PSD: variants seen among roughly 807,000 people sequenced by gnomAD.
The protein encoded by PSD is PH and SEC7 domain-containing protein 1.
Under a neutral mutation model 91.6 loss-of-function variants are expected in PSD, and 32 were observed. The observed-to-expected ratio is 0.35, with a 90% CI of 0.26 to 0.47. PSD has a LOEUF of 0.47. PSD is among the 20% of genes least tolerant of loss of function. PSD has a pLI of 1.00. For synonymous variants in PSD, 532 were observed against 569.3 expected, an observed-to-expected ratio of 0.93 and a Z score of 0.93; for missense variants, 1,099 against 1,373.9, an observed-to-expected ratio of 0.80 and a Z score of 3.16.
intron 1 of PSD, among the ~76,000 whole-genome samples, chr10:102,417,593 T>A (rs1307569498): frequency 6.6e-6 from 1 of 151,288 alleles, no homozygotes; most frequent in South Asian, 2.1e-4. Flanking sequence ...GAGGAACAGG[T>A]GTTATATAGG....
intron 3 of PSD, 62 bp downstream of exon 3, chr10:102,415,955 G>A: frequency 2.3e-6 from 3 of 1,325,262 alleles, no homozygotes; most frequent in Non-Finnish European, 3.2e-6. Flanking sequence ...GCTCCCTACT[G>A]AGCCTCAGCT....
In PSD at chr10:102,414,752, C is replaced by T. The variant is rs968952297; in HGVS notation, c.1124+111G>A. 5 of 1,388,190 alleles carry T rather than the reference C, an allele frequency of 3.6e-6. No homozygotes were observed. The African/African-American group carries it at 4.3e-5, about 12-fold the overall frequency. The allele number at this position is 1,388,190 out of a possible 1,614,324, so 86.0% of individuals were successfully genotyped here. ...CCTGCTATACACACTGCCCCGCCAG[C>T]CCCACACCCATCTCTATCCCAGGCC... On this transcript the variant is annotated intron_variant, in intron 4 of 16. Coordinates refer to ENST00000020673, the MANE Select transcript of PSD (RefSeq NM_002779.5). This position sits in a 1 kb window ranked among gnomAD's most constrained non-coding sequence, Gnocchi z 5.6.
At chr10:102,411,512 C>G (rs1330799856) in intron 8 of PSD, among the ~76,000 whole-genome samples, 195 bp downstream of exon 8, 1 of 152,254 alleles carries the variant, frequency 6.6e-6, no homozygotes, top group Non-Finnish European at 1.5e-5. Context: ...TAGCAATATG[C>G]CTGCCCACAT....
intron 10 of PSD, among the ~76,000 whole-genome samples, chr10:102,407,771 C>T (rs1048111645): frequency 3.9e-5 from 6 of 152,148 alleles, no homozygotes; most frequent in African/African-American, 1.4e-4. Flanking sequence ...CTTTCCTTCC[C>T]TAATAGAGAA....
At position 102,416,189 on chromosome 10, in the gene PSD, C is replaced by A; in HGVS notation, c.655-70G>T. The A allele has an allele frequency of 7.7e-7, 1 of 1,306,396 alleles. No individual in the cohort carries two copies. The highest frequency in any genetic ancestry group is 1.1e-6 in the Non-Finnish European group (1 of 929,768). 80.9% of individuals were successfully genotyped at this position (1,306,396 alleles called of 1,614,324 possible). A position where few individuals can be genotyped will look rare whatever the true frequency, so the allele number is the denominator to read the frequency against. ...CATACAAGGACACAAGAATATGGGA[C>A]AGAAACAGAAATTAAAACATGCATC... On this transcript the variant is annotated intron_variant, in intron 2 of 16. Transcript: ENST00000020673. This position sits in a 1 kb window ranked among gnomAD's most constrained non-coding sequence, Gnocchi z 6.0.
intron 10 of PSD, chr10:102,408,982 G>A: frequency 1.0e-6 from 1 of 987,506 alleles, no homozygotes; most frequent in Non-Finnish European, 1.2e-6. Flanking sequence ...GCTGCGGCCA[G>A]CCGTAGCACA....
At position 102,410,739 on chromosome 10, in the gene PSD, T is replaced by C. The variant is rs2061416761; in HGVS notation, c.2091+119A>G. 4.9e-6 allele frequency: 4 copies of C among 812,014 alleles called. No individual in the cohort carries two copies. In the Admixed American group the frequency reaches 7.7e-5, roughly 16 times the overall value. The allele number at this position is 812,014 out of a possible 1,614,324, so 50.3% of individuals were successfully genotyped here. A position where few individuals can be genotyped will look rare whatever the true frequency, so the allele number is the denominator to read the frequency against. On this transcript the variant is annotated intron_variant, in intron 10 of 16. Coordinates refer to ENST00000020673, the MANE Select transcript of PSD (RefSeq NM_002779.5). The surrounding 1 kb of genome is among the most constrained non-coding windows in gnomAD (Gnocchi z 6.0). ...TGAGTCACGAGAGCCCGGGCTTCCG[T>C]GGCAGGAGCCGGGGGTCGGCAAGCC... is the stretch of plus-strand genomic sequence containing the variant.
rs1396258957 is a variant in PSD, at chr10:102,416,844, T to C, written c.195A>G (p.Ala65=). ...PRGRELGRVT[A]PCTPLRGPPS... ...GGGGGCCACGCAGAGGTGTACAGGG[T>C]GCTGTCACACGTCCCAGTTCCCGGC... Residue 65 remains alanine (A), a synonymous_variant, in exon 2 of 17, where the codon GCA becomes GCG. Coordinates refer to ENST00000020673, the MANE Select transcript of PSD (RefSeq NM_002779.5). This position sits in a 1 kb window ranked among gnomAD's most constrained non-coding sequence, Gnocchi z 6.0. The C allele has an allele frequency of 1.2e-6, 2 of 1,600,110 alleles. No homozygotes were observed. The highest frequency in any genetic ancestry group is 1.7e-6 in the Non-Finnish European group (2 of 1,173,624).
rs527987698 is a variant in PSD at position 102,404,086 on chromosome 10, C to T, written c.2701-101G>A. On this transcript the variant is annotated intron_variant, in intron 15 of 16. Transcript: ENST00000020673. This position sits in a 1 kb window ranked among gnomAD's most constrained non-coding sequence, Gnocchi z 5.7. ...CCTTCCAGCCGGGCGCGGTGGCTCACGCCTGTAATCCCAGCACTTTGGGAG... is the reference window on the plus strand; with the variant it reads ...CCTTCCAGCCGGGCGCGGTGGCTCATGCCTGTAATCCCAGCACTTTGGGAG... 1.2e-4 allele frequency: 164 copies of T among 1,374,178 alleles called. 2 individuals carry two copies. Among genetic ancestry groups the T allele is most frequent in the African/African-American group, 1.2e-3 (80 of 68,988 alleles). The allele number at this position is 1,374,178 out of a possible 1,614,324, so 85.1% of individuals were successfully genotyped here. A position where few individuals can be genotyped will look rare whatever the true frequency, so the allele number is the denominator to read the frequency against.
At position 102,404,069 on chromosome 10, in the gene PSD, C is replaced by CCGGG. The variant is rs371195965; in HGVS notation, c.2701-88_2701-85dup. 68 of 1,302,164 alleles carry CCGGG rather than the reference C, an allele frequency of 5.2e-5. No individual in the cohort carries two copies. The highest frequency in any genetic ancestry group is 1.6e-4 in the Admixed American group (6 of 36,582). The allele number at this position is 1,302,164 out of a possible 1,614,324, so 80.7% of individuals were successfully genotyped here. Reference sequence around the variant, plus strand: ...ATTTTTAAAAAGATACCCCTTCCAGCCGGGCGCGGTGGCTCACGCCTGTAA... The same window carrying CCGGG: ...ATTTTTAAAAAGATACCCCTTCCAGCCGGGCGGGCGCGGTGGCTCACGCCTGTAA... On this transcript the variant is annotated intron_variant, in intron 15 of 16. Coordinates refer to ENST00000020673, the MANE Select transcript of PSD (RefSeq NM_002779.5). The surrounding 1 kb of genome is among the most constrained non-coding windows in gnomAD (Gnocchi z 5.7).
rs1158770400 is a variant in PSD at position 102,410,516 on chromosome 10, ACCCCCGCAACTC to A, written c.2091+330_2091+341del. Among the ~76,000 whole-genome samples the A allele has an allele frequency of 1.3e-5, 2 of 151,298 alleles. No individual in the cohort carries two copies. Among genetic ancestry groups the A allele is most frequent in the African/African-American group, 4.9e-5 (2 of 41,104 alleles). Reference sequence around the variant, plus strand: ...CATCCAATCCCTGTCCCGTGCAGGGACCCCCGCAACTCCCGCCTTCCACCCCAGCGCACACTG... The same window carrying A: ...CATCCAATCCCTGTCCCGTGCAGGGACCGCCTTCCACCCCAGCGCACACTG... On this transcript the variant is annotated intron_variant, in intron 10 of 16. Transcript: ENST00000020673. The surrounding 1 kb of genome is among the most constrained non-coding windows in gnomAD (Gnocchi z 6.0).
Position 102,404,627 on chromosome 10 carries a change from A to G in PSD, c.2656T>C (p.Phe886Leu), listed in dbSNP as rs1009054758. Residue 886 changes from phenylalanine (F) to leucine (L), a missense_variant, in exon 15 of 17, where the codon TTC (phenylalanine) becomes CTC (leucine). Phe to Leu is a conservative substitution (Grantham distance 22, BLOSUM62 0). Coordinates refer to ENST00000020673, the MANE Select transcript of PSD (RefSeq NM_002779.5). The surrounding 1 kb of genome is among the most constrained non-coding windows in gnomAD (Gnocchi z 5.7). ...GCGCTGGGCAGGAGAGGGCGGCTGA[A>G]CTTCTTTTGGGAGCTAACAGCAGCT... Reference protein sequence around the residue: ...FPAAVSSQKKFSRPLLPSAAT... With the variant: ...FPAAVSSQKKLSRPLLPSAAT... 1.9e-6 allele frequency: 3 copies of G among 1,611,912 alleles called. No individual in the cohort carries two copies. The highest frequency in any genetic ancestry group is 1.3e-5 in the African/African-American group (1 of 74,796).
Position 102,416,250 on chromosome 10 carries a change from A to C in PSD, c.655-131T>G. ...GAGGTTCAGAGACACAGAGACAAAC[A>C]CAGAGGGCAAGAGAGAGGCAGATTT... On this transcript the variant is annotated intron_variant, in intron 2 of 16. Coordinates refer to ENST00000020673, the MANE Select transcript of PSD (RefSeq NM_002779.5). The surrounding 1 kb of genome is among the most constrained non-coding windows in gnomAD (Gnocchi z 6.0). 1 of 1,251,848 alleles carries C rather than the reference A, an allele frequency of 8.0e-7. No homozygotes were observed. The highest frequency in any genetic ancestry group is 1.1e-6 in the Non-Finnish European group (1 of 892,306). The allele number at this position is 1,251,848 out of a possible 1,614,324, so 77.5% of individuals were successfully genotyped here.
rs904403830 is a variant in PSD at position 102,416,933 on chromosome 10, G to T, written c.106C>A (p.Pro36Thr). 13 of 1,604,488 alleles carry T rather than the reference G, an allele frequency of 8.1e-6. No homozygotes were observed. Among genetic ancestry groups the T allele is most frequent in the Non-Finnish European group, 1.0e-5 (12 of 1,179,468 alleles). The change falls in exon 2 of 17, where the codon CCA becomes ACA. Residue 36 changes from proline to threonine, a missense_variant. Physicochemically the swap from Pro to Thr is conservative, Grantham distance 38. Around this residue, in one of 3 missense-constraint regions of PSD, gnomAD observed 631 missense variants for 728.8 expected, o/e 0.87. Transcript: ENST00000020673. The surrounding 1 kb of genome is among the most constrained non-coding windows in gnomAD (Gnocchi z 6.0). ...LPEGPVPQSP[P>T]ASMYGSTGSL... ...CCTGTGCTGCCATACATGCTGGCTG[G>T]GGGGCTCTGGGGCACCGGGCCTTCG... is the stretch of plus-strand genomic sequence containing the variant.
At position 102,414,952 on chromosome 10, in the gene PSD, G is replaced by A. The variant is rs749862635; in HGVS notation, c.1035C>T (p.Leu345=). ...CGTCCTCATCCTCATTGCCACTGCC[G>A]AGGCTGGGATGAGGGCCAGGGAGTG... ...PGPLPGPHPS[L]GSGNEDEDDD... Residue 345 remains leucine, a synonymous_variant, in exon 4 of 17, where the codon CTC becomes CTT. Coordinates refer to ENST00000020673, the MANE Select transcript of PSD (RefSeq NM_002779.5). The surrounding 1 kb of genome is among the most constrained non-coding windows in gnomAD (Gnocchi z 5.6). 44 of 1,558,252 alleles carry A rather than the reference G, an allele frequency of 2.8e-5. No individual in the cohort carries two copies. The highest frequency in any genetic ancestry group is 2.5e-4 in the South Asian group (21 of 84,840).
chr10:102,416,331 G>A lies in PSD; in HGVS notation c.654+54C>T. ...CAGACAAGCCCATGTCTGACAGGAG[G>A]CTGAGCCTTGCCCCTTCACTGGGGG... is the stretch of plus-strand genomic sequence containing the variant. On this transcript the variant is annotated intron_variant, in intron 2 of 16. Transcript: ENST00000020673. The surrounding 1 kb of genome is among the most constrained non-coding windows in gnomAD (Gnocchi z 6.0). The A allele has an allele frequency of 6.5e-7, 1 of 1,543,944 alleles. No individual in the cohort carries two copies. The highest frequency in any genetic ancestry group is 8.8e-7 in the Non-Finnish European group (1 of 1,138,594).
chr10:102,418,093 A>G (rs971354632), intron 1 of PSD, among the ~76,000 whole-genome samples: 3 of 151,234 alleles, frequency 2.0e-5, no homozygotes, highest in Admixed American at 1.3e-4. Context: ...ACACACACGC[A>G]CACACATACA....
rs760141910 is a variant in PSD, at chr10:102,416,948, C to T, written c.91G>A (p.Val31Met). The change falls in exon 2 of 17, where the codon GTG (valine) becomes ATG (methionine). Residue 31 changes from valine to methionine, a missense_variant. Val to Met is a conservative substitution (Grantham distance 21, BLOSUM62 1). Around this residue, in one of 3 missense-constraint regions of PSD, gnomAD observed 631 missense variants for 728.8 expected, o/e 0.87. Transcript: ENST00000020673. The surrounding 1 kb of genome is among the most constrained non-coding windows in gnomAD (Gnocchi z 6.0). ...ATGCTGGCTGGGGGGCTCTGGGGCA[C>T]CGGGCCTTCGGGGAGCCAGCGGCGT... The part of the protein sequence containing the change: ...CPRRWLPEGP[V>M]PQSPPASMYG... 2 of 1,603,570 alleles carry T rather than the reference C, an allele frequency of 1.2e-6. No individual in the cohort carries two copies. Among genetic ancestry groups the T allele is most frequent in the Admixed American group, 1.7e-5 (1 of 59,890 alleles).
Position 102,404,065 on chromosome 10 carries a change from C to G in PSD, c.2701-80G>C. 6.9e-7 allele frequency: 1 copy of G among 1,442,386 alleles called. No homozygotes were observed. The highest frequency in any genetic ancestry group is 9.1e-7 in the Non-Finnish European group (1 of 1,093,674). The allele number at this position is 1,442,386 out of a possible 1,614,324, so 89.3% of individuals were successfully genotyped here. A position where few individuals can be genotyped will look rare whatever the true frequency, so the allele number is the denominator to read the frequency against. On this transcript the variant is annotated intron_variant, in intron 15 of 16. Coordinates refer to ENST00000020673, the MANE Select transcript of PSD (RefSeq NM_002779.5). The surrounding 1 kb of genome is among the most constrained non-coding windows in gnomAD (Gnocchi z 5.7). ...GCAGATTTTTAAAAAGATACCCCTT[C>G]CAGCCGGGCGCGGTGGCTCACGCCT...
Sources: allele counts gnomAD v4.1 joint callset (sites outside exome capture counted in the v4.1 genomes callset), GRCh38; gene constraint gnomAD v4.1.1; regional missense constraint gnomAD v4.1.1; non-coding constraint Gnocchi (gnomAD v3.1); transcripts MANE v1.5; gene names NCBI Gene and HGNC (gene_info 2026-07-23, HGNC 2026-07-21).